Variants in DAB1 observed in about 807,000 individuals in gnomAD.
DAB1 encodes disabled homolog 1.
In DAB1, 15 loss-of-function variants were observed where a neutral mutation model predicts 64.6. The observed-to-expected ratio is 0.23, with a 90% CI of 0.16 to 0.36. DAB1 has a LOEUF of 0.36. Ranked by LOEUF, DAB1 falls within the 10% of genes least tolerant of loss-of-function variation. The pLI is 1.00. For missense variants in DAB1, 596 were observed against 706.7 expected, an observed-to-expected ratio of 0.84 and a Z score of 1.78; for synonymous variants, 235 against 251.9, an observed-to-expected ratio of 0.93 and a Z score of 0.64.
chr1:57,436,896 C>T (rs895060488), intron 7 of DAB1, among the ~76,000 whole-genome samples: 11 of 152,002 alleles, frequency 7.2e-5, no homozygotes, highest in African/African-American at 9.7e-5. Flanking sequence ...GATGTGGTGG[C>T]GGCTGCCTGT....
At chr1:58,487,908 C>CT (rs1645604822) in intron 3 of DAB1, among the ~76,000 whole-genome samples, 1 of 151,572 alleles carries the variant, frequency 6.6e-6, no homozygotes, top group South Asian at 2.1e-4. Flanking sequence ...TACCGTACCT[C>CT]TTCTCCTGAT....
intron 1 of DAB1, among the ~76,000 whole-genome samples, chr1:57,292,899 C>A (rs548005055): frequency 6.6e-6 from 1 of 152,172 alleles, no homozygotes; most frequent in South Asian, 2.1e-4. Flanking sequence ...TGCAAGTATT[C>A]ATCTTTGCTT....
intron 9 of DAB1, among the ~76,000 whole-genome samples, chr1:57,059,083 C>A (rs1423472971): frequency 2.0e-5 from 3 of 152,182 alleles, no homozygotes; most frequent in Admixed American, 6.5e-5. Flanking sequence ...CAATCCCTGG[C>A]TCAGTGAGGA....
intron 2 of DAB1, among the ~76,000 whole-genome samples, chr1:57,247,981 T>G (rs745933160): frequency 1.4e-4 from 22 of 152,142 alleles, no homozygotes; most frequent in African/African-American, 5.1e-4. Flanking sequence ...TAAATTAACT[T>G]CAATTTTGCC....
intron 1 of DAB1, among the ~76,000 whole-genome samples, chr1:57,371,564 A>G (rs1446952112): frequency 1.3e-5 from 2 of 152,168 alleles, no homozygotes; most frequent in Admixed American, 6.5e-5. Flanking sequence ...CACCCACTCA[A>G]TATTTACTGG....
intron 5 of DAB1, among the ~76,000 whole-genome samples, chr1:58,015,463 G>A (rs945906557): frequency 1.3e-5 from 2 of 152,104 alleles, no homozygotes; most frequent in Non-Finnish European, 2.9e-5. Flanking sequence ...TTCTGATTAT[G>A]CTACCTTTGG....
intron 2 of DAB1, among the ~76,000 whole-genome samples, chr1:57,216,221 C>G (rs1383756735): frequency 3.3e-5 from 5 of 151,868 alleles, no homozygotes; most frequent in African/African-American, 1.2e-4. Context: ...GGTTACTTAC[C>G]TTATCTGATC....
At chr1:57,510,680 T>TG (rs935389691) in intron 7 of DAB1, among the ~76,000 whole-genome samples, 1 of 152,178 alleles carries the variant, frequency 6.6e-6, no homozygotes, top group African/African-American at 2.4e-5. Context: ...AAAACCACCT[T>TG]GGGGTCATCC....
At chr1:58,191,334 C>T (rs536731854) in intron 4 of DAB1, among the ~76,000 whole-genome samples, 2 of 152,118 alleles carry the variant, frequency 1.3e-5, no homozygotes, top group Non-Finnish European at 2.9e-5. Flanking sequence ...AAATTAGGTA[C>T]CTTGCCCAAA....
chr1:57,245,743 C>T (rs1231372782), intron 2 of DAB1, among the ~76,000 whole-genome samples: 3 of 152,184 alleles, frequency 2.0e-5, no homozygotes, highest in African/African-American at 7.2e-5. Context: ...AATAAACATA[C>T]TTGTGCATGT....
chr1:57,541,873 A>T (rs907550287), intron 7 of DAB1, among the ~76,000 whole-genome samples: 1 of 152,210 alleles, frequency 6.6e-6, no homozygotes, highest in African/African-American at 2.4e-5. Context: ...TTAGAGAAAT[A>T]AAGTCACTTT....
intron 4 of DAB1, among the ~76,000 whole-genome samples, chr1:57,119,098 G>T (rs1437834800): frequency 6.6e-6 from 1 of 152,118 alleles, no homozygotes; most frequent in Non-Finnish European, 1.5e-5. Context: ...TGGACCACTT[G>T]TCTCAACTGG....
At chr1:58,357,353 C>T (rs1272457908) in intron 3 of DAB1, among the ~76,000 whole-genome samples, 1 of 152,106 alleles carries the variant, frequency 6.6e-6, no homozygotes, top group African/African-American at 2.4e-5. Flanking sequence ...TCAAAAATAG[C>T]ATGACCATTT....
intron 5 of DAB1, among the ~76,000 whole-genome samples, chr1:58,131,742 T>C (rs1414015415): frequency 1.4e-5 from 2 of 146,566 alleles, no homozygotes; most frequent in African/African-American, 2.5e-5. Context: ...GTGCCCCTGC[T>C]GGGGGGTGCC....
intron 11 of DAB1, among the ~76,000 whole-genome samples, chr1:57,018,259 G>A (rs1646497820): frequency 6.6e-6 from 1 of 152,162 alleles, no homozygotes; most frequent in African/African-American, 2.4e-5. Flanking sequence ...TGACATCCCT[G>A]ACAGAAGCGC....
At chr1:57,076,713 G>A (rs1652026319) in intron 4 of DAB1, among the ~76,000 whole-genome samples, 2 of 152,146 alleles carry the variant, frequency 1.3e-5, no homozygotes, top group South Asian at 2.1e-4. Context: ...TACCTATGAC[G>A]GAAGGCATAG....
At chr1:57,307,508 A>T (rs760295439) in intron 1 of DAB1, 4 of 152,218 alleles carry the variant, frequency 2.6e-5, no homozygotes, top group Non-Finnish European at 5.8e-5. Flanking sequence ...TCTAGACCGC[A>T]CCTCCCAGAC....
chr1:57,810,998 G>C (rs1651591823), intron 6 of DAB1, among the ~76,000 whole-genome samples: 2 of 152,148 alleles, frequency 1.3e-5, no homozygotes, highest in South Asian at 4.1e-4. Flanking sequence ...GCATTCCTTG[G>C]CTCTGGCCAC....
At chr1:57,731,536 C>T (rs1017018565) in intron 6 of DAB1, among the ~76,000 whole-genome samples, 2 of 152,132 alleles carry the variant, frequency 1.3e-5, no homozygotes, top group East Asian at 1.9e-4. Context: ...TGCAGTGGCT[C>T]ACACCTGTAA....
Sources: allele counts gnomAD v4.1 joint callset (sites outside exome capture counted in the v4.1 genomes callset), GRCh38; gene constraint gnomAD v4.1.1; transcripts MANE v1.5; gene names NCBI Gene and HGNC (gene_info 2026-07-23, HGNC 2026-07-21).